Variants in RFX3 observed in about 807,000 individuals in gnomAD.
RFX3 encodes regulatory factor X3, also known as transcription factor RFX3.
Under a neutral mutation model 98.6 loss-of-function variants are expected in RFX3, and 14 were observed. The ratio of observed to expected loss-of-function variants is 0.14; its 90% CI spans 0.09 to 0.22. The LOEUF (loss-of-function observed/expected upper bound fraction) is 0.22. Ranked by LOEUF, RFX3 falls within the 10% of genes least tolerant of loss-of-function variation. The pLI is 1.00. For missense variants in RFX3, 639 were observed against 926.9 expected (o/e 0.69, Z 4.03); for synonymous variants, 383 against 328.4 (o/e 1.17, Z -1.80).
chr9:3,471,414 T>G (rs1848761209), intron 1 of RFX3, among the ~76,000 whole-genome samples: 2 of 152,234 alleles, frequency 1.3e-5, no homozygotes, highest in South Asian at 4.1e-4. Flanking sequence ...AGAGGTCTCC[T>G]AATTCCAAGT....
chr9:3,401,981 C>T (rs1287864213), intron 1 of RFX3, among the ~76,000 whole-genome samples: 1 of 152,200 alleles, frequency 6.6e-6, no homozygotes, highest in African/African-American at 2.4e-5. Flanking sequence ...TTGGAACAAA[C>T]ATGCATTATT....
At chr9:3,448,775 C>G (rs1846285111) in intron 1 of RFX3, among the ~76,000 whole-genome samples, 1 of 152,182 alleles carries the variant, frequency 6.6e-6, no homozygotes, top group Non-Finnish European at 1.5e-5. Flanking sequence ...CCACCTTGAC[C>G]TCCCAAAGCA....
At chr9:3,330,010 T>C (rs1463456866) in intron 4 of RFX3, among the ~76,000 whole-genome samples, 2 of 152,238 alleles carry the variant, frequency 1.3e-5, no homozygotes, top group Non-Finnish European at 2.9e-5. Flanking sequence ...AGCAGTTTAA[T>C]GAGTAAAACT....
chr9:3,366,617 G>A (rs886584174), intron 2 of RFX3, among the ~76,000 whole-genome samples: 2 of 148,990 alleles, frequency 1.3e-5, no homozygotes, highest in Non-Finnish European at 1.5e-5. Flanking sequence ...GTCTGTTTTT[G>A]GCAAATTTTC....
In RFX3 at chr9:3,393,033, A is replaced by G. The variant is rs978281576; in HGVS notation, c.117+2439T>C. 9.6e-5 allele frequency among the ~76,000 whole-genome samples: 7 copies of G among 72,758 alleles called. No homozygotes were observed. The East Asian group carries it at 2.5e-3, about 26-fold the overall frequency. The allele number at this position is 72,758 out of a possible 152,430, so 47.7% of individuals were successfully genotyped here. On this transcript the variant is annotated intron_variant, in intron 2 of 16. Transcript: ENST00000617270. ...ACATATGGTTCAATCTGTCAAGAAC[A>G]TAAGGGACAGGAAGGGTGGGTGGGC...
chr9:3,260,548 T>G (rs1211298348), intron 13 of RFX3, among the ~76,000 whole-genome samples: 1 of 151,878 alleles, frequency 6.6e-6, no homozygotes, highest in African/African-American at 2.4e-5. Flanking sequence ...TTTCTGTTAC[T>G]GAGTTTAAAT....
intron 1 of RFX3, among the ~76,000 whole-genome samples, chr9:3,414,444 G>C (rs927181020): frequency 6.6e-6 from 1 of 151,308 alleles, no homozygotes; most frequent in African/African-American, 2.4e-5. Flanking sequence ...CATATTTGCT[G>C]TCCTACCAAA....
chr9:3,498,186 C>T (rs1851247266), intron 1 of RFX3, among the ~76,000 whole-genome samples: 1 of 152,000 alleles, frequency 6.6e-6, no homozygotes, highest in Non-Finnish European at 1.5e-5. Flanking sequence ...GAAATGTTAA[C>T]TTACAGCACA....
At chr9:3,292,100 A>AAAAAAAAAAAC (rs1827457239) in intron 6 of RFX3, among the ~76,000 whole-genome samples, 2 of 120,216 alleles carry the variant, frequency 1.7e-5, no homozygotes, top group African/African-American at 6.2e-5. Flanking sequence ...AAAAAAAAAA[A>AAAAAAAAAAAC]CTCTTTACGA....
chr9:3,285,338 C>T lies in RFX3; in HGVS notation c.851+2793G>A, dbSNP rs759163731. On this transcript the variant is annotated intron_variant, in intron 7 of 16. Transcript: ENST00000617270. Reference sequence around the variant, plus strand: ...CTCTTTATATAATTTTTACTGTATTCAGTAGAATCATTTGAATTTTGAAAT... The same window carrying T: ...CTCTTTATATAATTTTTACTGTATTTAGTAGAATCATTTGAATTTTGAAAT... Among the ~76,000 whole-genome samples, 6 of 151,778 alleles carry T rather than the reference C, an allele frequency of 4.0e-5. No homozygotes were observed. The East Asian group carries it at 5.8e-4, about 15-fold the overall frequency.
chr9:3,343,846 T>C (rs1180775978), intron 3 of RFX3, among the ~76,000 whole-genome samples: 3 of 152,318 alleles, frequency 2.0e-5, no homozygotes, highest in East Asian at 3.9e-4. Flanking sequence ...TCAAAGCTAA[T>C]TGGACTTTGT....
At chr9:3,470,833 G>A (rs1010684394) in intron 1 of RFX3, among the ~76,000 whole-genome samples, 33 of 152,154 alleles carry the variant, frequency 2.2e-4, no homozygotes, top group African/African-American at 7.7e-4. Flanking sequence ...GTCTTTAAAT[G>A]AGCAGGATAA....
chr9:3,352,925 T>C (rs1835318774), intron 2 of RFX3, among the ~76,000 whole-genome samples: 1 of 151,896 alleles, frequency 6.6e-6, no homozygotes, highest in African/African-American at 2.4e-5. Flanking sequence ...CTATTCACAA[T>C]AGCAAAGACT....
chr9:3,515,710 A>G (rs983495431), intron 1 of RFX3, among the ~76,000 whole-genome samples: 7 of 152,242 alleles, frequency 4.6e-5, no homozygotes, highest in African/African-American at 1.7e-4. Context: ...ACATTAAAGT[A>G]AACTATGCTG....
rs374609359 is a variant in RFX3 at position 3,492,581 on chromosome 9, C to G, written c.-9+33166G>C. On this transcript the variant is annotated intron_variant, in intron 1 of 16. Coordinates refer to ENST00000617270, the MANE Select transcript of RFX3 (RefSeq NM_001282116.2). ...GATGGAGATTCAGGCATACTCAACT[C>G]TACGCCTACAGGGTAGTCAACAGAT... Among the ~76,000 whole-genome samples the G allele has an allele frequency of 1.1e-4, 16 of 152,308 alleles. No individual in the cohort carries two copies. In the East Asian group the frequency reaches 2.5e-3, roughly 24 times the overall value.
Position 3,525,770 on chromosome 9 carries a change from T to C in RFX3, c.-32A>G. On this transcript the variant is annotated 5_prime_UTR_variant, in exon 1 of 17. Coordinates refer to ENST00000617270, the MANE Select transcript of RFX3 (RefSeq NM_001282116.2). The stretch of plus-strand genomic sequence containing the variant: ...ACCTTGGCTGTGGATTATTGTGGTG[T>C]TGTTGGTGGGTGATGGAGATGGTGG... 2 of 386,796 alleles carry C rather than the reference T, an allele frequency of 5.2e-6. No homozygotes were observed. The highest frequency in any genetic ancestry group is 7.1e-6 in the Non-Finnish European group (2 of 282,818). 24.0% of individuals were successfully genotyped at this position (386,796 alleles called of 1,614,324 possible).
intron 1 of RFX3, among the ~76,000 whole-genome samples, chr9:3,514,992 GAT>G (rs1191176562): frequency 7.2e-5 from 11 of 152,108 alleles, no homozygotes; most frequent in African/African-American, 2.7e-4. Context: ...ACTGTCATTA[GAT>G]ATAATCAGAT....
chr9:3,479,382 A>G (rs1391424600), intron 1 of RFX3, among the ~76,000 whole-genome samples: 1 of 151,848 alleles, frequency 6.6e-6, no homozygotes, highest in Non-Finnish European at 1.5e-5. Flanking sequence ...GATCTTAACC[A>G]AAAAAAACAA....
intron 1 of RFX3, among the ~76,000 whole-genome samples, chr9:3,511,902 C>G (rs1007960294): frequency 6.6e-6 from 1 of 151,914 alleles, no homozygotes; most frequent in African/African-American, 2.4e-5. Flanking sequence ...TGTAGGGTAA[C>G]TACAGTCAAC....
Sources: gnomAD v4.1 joint callset for allele counts (sites outside exome capture counted in the v4.1 genomes callset) on GRCh38, gnomAD v4.1.1 for gene constraint, MANE v1.5 for transcripts, NCBI Gene and HGNC (gene_info 2026-07-23, HGNC 2026-07-21) for gene names.